The following TMCC3 variants were observed in gnomAD, a reference collection of about 807,000 sequenced individuals.
TMCC3 encodes transmembrane and coiled-coil domain protein 3.
TMCC3 carries 28 observed loss-of-function variants against 40.2 expected under a neutral mutation model. The observed-to-expected ratio is 0.70, with a 90% CI of 0.52 to 0.95. The LOEUF (loss-of-function observed/expected upper bound fraction) is 0.95, where lower values mean the gene tolerates loss of function less well. Ranked by LOEUF, TMCC3 falls within the 40% of genes least tolerant of loss-of-function variation. The probability of loss-of-function intolerance (pLI) is 0.00; values close to 1 mark genes in which losing one functional copy is unlikely to be tolerated. For synonymous variants in TMCC3, 255 were observed against 248.5 expected, an observed-to-expected ratio of 1.03 and a Z score of -0.25; for missense variants, 554 against 615.2, an observed-to-expected ratio of 0.90 and a Z score of 1.05.
rs72186655 is a variant in TMCC3, at chr12:94,590,260, A to ATTTTT, written c.79-7727_79-7723dup. Among the ~76,000 whole-genome samples the ATTTTT allele has an allele frequency of 6.7e-4, 57 of 85,356 alleles. 3 individuals carry two copies. The highest frequency in any genetic ancestry group is 1.3e-3 in the African/African-American group (24 of 18,234). The allele number at this position is 85,356 out of a possible 152,430, so 56.0% of individuals were successfully genotyped here. A position where few individuals can be genotyped will look rare whatever the true frequency, so the allele number is the denominator to read the frequency against. On this transcript the variant is annotated intron_variant, in intron 1 of 3. Transcript: ENST00000261226. Reference sequence around the variant, plus strand: ...AGGTGAGTGCCACCACGCCCTGCTAATTTTTTTTTTTTTTTTTTTTTTTTT... The same window carrying ATTTTT: ...AGGTGAGTGCCACCACGCCCTGCTAATTTTTTTTTTTTTTTTTTTTTTTTTTTTTT...
At chr12:94,641,458 G>A (rs777420870) in intron 1 of TMCC3, among the ~76,000 whole-genome samples, 8 of 152,132 alleles carry the variant, frequency 5.3e-5, no homozygotes, top group South Asian at 2.1e-4. Context: ...TCAAATTGGC[G>A]TGTAAGGCAG....
At chr12:94,626,450 A>C (rs1447047926) in intron 1 of TMCC3, among the ~76,000 whole-genome samples, 2 of 152,238 alleles carry the variant, frequency 1.3e-5, no homozygotes, top group Non-Finnish European at 2.9e-5. Flanking sequence ...TATTTAAATT[A>C]ATGTAGCCAA....
intron 1 of TMCC3, among the ~76,000 whole-genome samples, chr12:94,603,876 T>C (rs2068767336): frequency 6.6e-6 from 1 of 151,700 alleles, no homozygotes; most frequent in South Asian, 2.1e-4. Context: ...AAATGCACAA[T>C]GAATAAATGT....
At chr12:94,580,509 C>A (rs151221553) in intron 2 of TMCC3, among the ~76,000 whole-genome samples, 2 of 152,008 alleles carry the variant, frequency 1.3e-5, no homozygotes, top group Non-Finnish European at 2.9e-5. Context: ...ACAAGGCGGG[C>A]GAATCACCTG....
At chr12:94,604,642 CAAAAA>C (rs62951060) in intron 1 of TMCC3, among the ~76,000 whole-genome samples, 10 of 116,090 alleles carry the variant, frequency 8.6e-5, no homozygotes, top group African/African-American at 3.0e-4. Flanking sequence ...CCATCTCTAC[CAAAAA>C]AAAAAAAAAA....
At chr12:94,605,939 C>T (rs1028219609) in intron 1 of TMCC3, among the ~76,000 whole-genome samples, 4 of 152,038 alleles carry the variant, frequency 2.6e-5, no homozygotes, top group African/African-American at 9.7e-5. Context: ...CAATCTACTC[C>T]GTCAAACCAG....
At chr12:94,590,259 A>G (rs535714065) in intron 1 of TMCC3, among the ~76,000 whole-genome samples, 36 of 61,102 alleles carry the variant, frequency 5.9e-4, no homozygotes, top group African/African-American at 2.5e-3. Flanking sequence ...ACGCCCTGCT[A>G]ATTTTTTTTT....
At chr12:94,600,642 C>T (rs1036507736) in intron 1 of TMCC3, among the ~76,000 whole-genome samples, 4 of 152,334 alleles carry the variant, frequency 2.6e-5, no homozygotes, top group Middle Eastern at 3.4e-3. Flanking sequence ...TCTGGACTTT[C>T]TGTTTCACCT....
chr12:94,650,110 G>T (rs1474248277), intron 1 of TMCC3, among the ~76,000 whole-genome samples: 2 of 152,112 alleles, frequency 1.3e-5, no homozygotes, highest in Admixed American at 6.5e-5. Flanking sequence ...CCCGCATAGC[G>T]CGCGGGGACC....
chr12:94,605,591 G>A (rs1257165795), intron 1 of TMCC3, among the ~76,000 whole-genome samples: 1 of 152,104 alleles, frequency 6.6e-6, no homozygotes, highest in Non-Finnish European at 1.5e-5. Context: ...GGAAAATCAG[G>A]CATTTTGCCT....
intron 1 of TMCC3, among the ~76,000 whole-genome samples, chr12:94,591,731 C>A (rs1035086936): frequency 6.6e-6 from 1 of 152,068 alleles, no homozygotes; most frequent in African/African-American, 2.4e-5. Context: ...TCCAGCCTGG[C>A]AGCCTGGGCA....
chr12:94,608,306 TA>T, intron 1 of TMCC3, among the ~76,000 whole-genome samples: 1 of 152,320 alleles, frequency 6.6e-6, no homozygotes, highest in South Asian at 2.1e-4. Context: ...AAAATGTCAA[TA>T]AATCTTTCCA....
At chr12:94,623,503 C>T (rs780815328) in intron 1 of TMCC3, among the ~76,000 whole-genome samples, 8 of 152,246 alleles carry the variant, frequency 5.3e-5, no homozygotes, top group African/African-American at 9.6e-5. Context: ...CTTATTTCTG[C>T]TCTCACAGGT....
chr12:94,650,376 G>A lies in TMCC3; in HGVS notation c.55C>T (p.Arg19Trp), dbSNP rs753311029. 1 of 1,342,464 alleles carries A rather than the reference G, an allele frequency of 7.4e-7. No individual in the cohort carries two copies. The highest frequency in any genetic ancestry group is 3.3e-5 in the East Asian group (1 of 30,306). The allele number at this position is 1,342,464 out of a possible 1,614,324, so 83.2% of individuals were successfully genotyped here. The part of the protein sequence containing the change: ...TVDRTYSYPG[R>W]HHRCKSRVER... The stretch of plus-strand genomic sequence containing the variant: ...ACCCGGCTCTTGCAGCGGTGGTGCC[G>A]GCCGGGGTACGAGTAGGTCCGGTCC... Residue 19 changes from arginine (R) to tryptophan (W), a missense_variant, in exon 1 of 4, where the codon CGG becomes TGG. By Grantham distance (101) the Arg-to-Trp change is moderately radical. Transcript: ENST00000261226.
At chr12:94,595,452 G>A (rs1183897739) in intron 1 of TMCC3, among the ~76,000 whole-genome samples, 1 of 152,178 alleles carries the variant, frequency 6.6e-6, no homozygotes, top group Non-Finnish European at 1.5e-5. Context: ...AAGTTGCTAT[G>A]TAAGACTGAG....
Position 94,582,496 on chromosome 12 carries a change from T to C in TMCC3, c.121A>G (p.Ile41Val), listed in dbSNP as rs772303359. The C allele has an allele frequency of 7.4e-6, 12 of 1,613,580 alleles. No homozygotes were observed. Among genetic ancestry groups the C allele is most frequent in the Non-Finnish European group, 1.0e-5 (12 of 1,179,988 alleles). The change falls in exon 2 of 4, where the codon ATA becomes GTA. Residue 41 changes from isoleucine to valine, a missense_variant. Physicochemically the swap from Ile to Val is conservative, Grantham distance 29. Coordinates refer to ENST00000261226, the MANE Select transcript of TMCC3 (RefSeq NM_020698.4). ...TTGGTGTCTGACCCCCCTCGGCGTATGTTCAGGGGCAGGCTTAAGGTATTC... is the reference window on the plus strand; with the variant it reads ...TTGGTGTCTGACCCCCCTCGGCGTACGTTCAGGGGCAGGCTTAAGGTATTC... ...DMNTLSLPLNIRRGGSDTNLN... is the reference protein window; with the variant it reads ...DMNTLSLPLNVRRGGSDTNLN...
intron 1 of TMCC3, among the ~76,000 whole-genome samples, chr12:94,597,603 G>A (rs748907433): frequency 6.6e-5 from 10 of 152,036 alleles, no homozygotes; most frequent in Admixed American, 2.0e-4. Flanking sequence ...TCAGGAGTTC[G>A]AGACCAGCCT....
At chr12:94,619,055 G>C (rs1566330414) in intron 1 of TMCC3, among the ~76,000 whole-genome samples, 1 of 152,206 alleles carries the variant, frequency 6.6e-6, no homozygotes, top group Non-Finnish European at 1.5e-5. Flanking sequence ...GAGGTGCAGA[G>C]TCTCAGGGAG....
At chr12:94,631,751 C>T (rs937616013) in intron 1 of TMCC3, among the ~76,000 whole-genome samples, 3 of 152,200 alleles carry the variant, frequency 2.0e-5, no homozygotes, top group African/African-American at 7.2e-5. Context: ...ATAACCTTTT[C>T]TATTCTGAAG....
Sources: allele counts gnomAD v4.1 joint callset (sites outside exome capture counted in the v4.1 genomes callset), GRCh38; gene constraint gnomAD v4.1.1; transcripts MANE v1.5; gene names NCBI Gene and HGNC (gene_info 2026-07-23, HGNC 2026-07-21).